NEGR1: variants seen among roughly 807,000 people sequenced by gnomAD.
NEGR1 encodes the protein IgLON family member 4.
Under a neutral mutation model 40.9 loss-of-function variants are expected in NEGR1, and 10 were observed. That is an observed-to-expected ratio of 0.24 (90% confidence interval 0.15 to 0.42). The LOEUF is 0.42. NEGR1 is among the 10% of genes least tolerant of loss of function. The pLI, the probability that NEGR1 is intolerant of heterozygous loss-of-function variation, is 1.00. For synonymous variants in NEGR1, 185 were observed against 166.8 expected (o/e 1.11, Z -0.84); for missense variants, 352 against 438.9 (o/e 0.80, Z 1.77).
intron 3 of NEGR1, among the ~76,000 whole-genome samples, chr1:71,708,160 G>A (rs749464510): frequency 4.0e-5 from 6 of 151,750 alleles, no homozygotes; most frequent in Non-Finnish European, 5.9e-5. Flanking sequence ...AAATGAACTC[G>A]AAAGGCAACA....
chr1:71,873,439 G>T (rs553410283), intron 2 of NEGR1, among the ~76,000 whole-genome samples: 1 of 152,180 alleles, frequency 6.6e-6, no homozygotes, highest in African/African-American at 2.4e-5. Context: ...TTAAGTTCCT[G>T]ACCTGCAACT....
At chr1:71,792,808 T>C (rs1657164874) in intron 2 of NEGR1, among the ~76,000 whole-genome samples, 1 of 152,132 alleles carries the variant, frequency 6.6e-6, no homozygotes. Context: ...AAGGTACTTT[T>C]TGAAAGGGGG....
Position 71,494,050 on chromosome 1 carries a change from A to G in NEGR1, c.941-86480T>C, listed in dbSNP as rs1034153616. Among the ~76,000 whole-genome samples the G allele has an allele frequency of 5.3e-5, 8 of 152,286 alleles. No homozygotes were observed. In the South Asian group the frequency reaches 6.2e-4, roughly 12 times the overall value. On this transcript the variant is annotated intron_variant, in intron 6 of 6. Transcript: ENST00000357731. The stretch of plus-strand genomic sequence containing the variant: ...CTCAGTTTTAGACAGTGTAATAAGG[A>G]ATTTCACCTCATCAAAGAGAGGTCT...
At chr1:72,257,321 CAAAAAAAA>C (rs34220734) in intron 1 of NEGR1, among the ~76,000 whole-genome samples, 1 of 57,134 alleles carries the variant, frequency 1.8e-5, no homozygotes, top group African/African-American at 6.6e-5. Context: ...GACTCTGTCT[CAAAAAAAA>C]AAAAAAAAAA....
intron 3 of NEGR1, among the ~76,000 whole-genome samples, chr1:71,773,786 C>T (rs1305460281): frequency 6.6e-6 from 1 of 152,130 alleles, no homozygotes; most frequent in Non-Finnish European, 1.5e-5. Context: ...CACAGTTTAA[C>T]TTATAAACCC....
At chr1:72,000,480 T>C (rs1646547521) in intron 1 of NEGR1, among the ~76,000 whole-genome samples, 1 of 152,152 alleles carries the variant, frequency 6.6e-6, no homozygotes, top group South Asian at 2.1e-4. Flanking sequence ...ATAAATGCTA[T>C]ACTCTTTACC....
chr1:72,223,231 G>C (rs978481217), intron 1 of NEGR1, among the ~76,000 whole-genome samples: 4 of 152,098 alleles, frequency 2.6e-5, no homozygotes, highest in African/African-American at 9.7e-5. Flanking sequence ...ATGACCTACA[G>C]ATTCCATGAG....
At chr1:71,459,909 A>G (rs1646701747) in intron 6 of NEGR1, among the ~76,000 whole-genome samples, 1 of 152,176 alleles carries the variant, frequency 6.6e-6, no homozygotes, top group South Asian at 2.1e-4. Context: ...TGGGTCAAAT[A>G]TCAGTACTAT....
At chr1:72,252,670 G>A (rs1655142091) in intron 1 of NEGR1, among the ~76,000 whole-genome samples, 1 of 152,122 alleles carries the variant, frequency 6.6e-6, no homozygotes, top group African/African-American at 2.4e-5. Context: ...TTACATGAGG[G>A]AGAGAGAGAC....
chr1:71,397,724 C>G lies in NEGR1; in HGVS notation c.*9722G>C, dbSNP rs1646221307. ...AAATCCCATTTCCTGAGGAGAAATT[C>G]AAGCTGGCTGCAGAAAATTGCATAA... On this transcript the variant is annotated 3_prime_UTR_variant, in exon 7 of 7. Coordinates refer to ENST00000357731, the MANE Select transcript of NEGR1 (RefSeq NM_173808.3). 1 of 152,362 alleles carries G rather than the reference C, an allele frequency of 6.6e-6. No individual in the cohort carries two copies. The highest frequency in any genetic ancestry group is 1.9e-4 in the East Asian group (1 of 5,188). The allele number at this position is 152,362 out of a possible 1,614,324, so 9.4% of individuals were successfully genotyped here.
intron 6 of NEGR1, among the ~76,000 whole-genome samples, chr1:71,565,674 A>G (rs1291818024): frequency 2.0e-5 from 3 of 152,176 alleles, no homozygotes; most frequent in Non-Finnish European, 4.4e-5. Context: ...CAGCTGAAGG[A>G]AGAAAAGGCA....
At chr1:71,950,355 C>A (rs542045090) in intron 1 of NEGR1, among the ~76,000 whole-genome samples, 1 of 151,750 alleles carries the variant, frequency 6.6e-6, no homozygotes. Context: ...ATAATAAATG[C>A]ATGGGAATTA....
Position 71,725,891 on chromosome 1 carries a change from C to G in NEGR1, c.536-27752G>C, listed in dbSNP as rs17091685. Among the ~76,000 whole-genome samples the G allele has an allele frequency of 7.5e-3, 1,149 of 152,196 alleles. 8 individuals carry two copies. Among genetic ancestry groups the G allele is most frequent in the African/African-American group, 0.026 (1,098 of 41,546 alleles). ...TCAGTGATAGAAGAATTGACTTTAT[C>G]TGCTCAGCATCTCTCTACTTCTACA... On this transcript the variant is annotated intron_variant, in intron 3 of 6. Transcript: ENST00000357731.
chr1:71,668,324 C>A (rs563088924), intron 4 of NEGR1, among the ~76,000 whole-genome samples: 1 of 152,216 alleles, frequency 6.6e-6, no homozygotes, highest in South Asian at 2.1e-4. Flanking sequence ...TAATTAAAGC[C>A]TGTGCCGTTC....
chr1:71,959,487 G>A (rs760739759), intron 1 of NEGR1, among the ~76,000 whole-genome samples: 12 of 151,900 alleles, frequency 7.9e-5, no homozygotes, highest in South Asian at 2.1e-4. Flanking sequence ...AATGGGTTAC[G>A]TTAGTTCTTT....
intron 2 of NEGR1, among the ~76,000 whole-genome samples, chr1:71,918,170 T>C (rs1290253216): frequency 7.9e-6 from 1 of 127,246 alleles, no homozygotes; most frequent in Non-Finnish European, 1.5e-5. Context: ...TGAGCCGAGA[T>C]TGCGCCACTG....
At chr1:71,429,474 A>G (rs1312103199) in intron 6 of NEGR1, among the ~76,000 whole-genome samples, 1 of 152,210 alleles carries the variant, frequency 6.6e-6, no homozygotes, top group Non-Finnish European at 1.5e-5. Flanking sequence ...TTTTGCTAAT[A>G]GCCTGAGCCA....
At chr1:71,592,030 C>T (rs1040399484) in intron 6 of NEGR1, among the ~76,000 whole-genome samples, 2 of 152,028 alleles carry the variant, frequency 1.3e-5, no homozygotes, top group Non-Finnish European at 2.9e-5. Flanking sequence ...CTTTGTGGCA[C>T]TGAAAAGACA....
chr1:72,209,838 T>C (rs1210559915), intron 1 of NEGR1, among the ~76,000 whole-genome samples: 4 of 151,908 alleles, frequency 2.6e-5, no homozygotes, highest in Non-Finnish European at 2.9e-5. Context: ...ATGAATTTTA[T>C]AGCAGCTAGA....
Sources: allele counts gnomAD v4.1 joint callset (sites outside exome capture counted in the v4.1 genomes callset), GRCh38; gene constraint gnomAD v4.1.1; transcripts MANE v1.5; gene names NCBI Gene and HGNC (gene_info 2026-07-23, HGNC 2026-07-21).